RPTOR: variants seen among roughly 807,000 people sequenced by gnomAD.
RPTOR encodes regulatory associated protein of MTOR complex 1.
In RPTOR, 21 loss-of-function variants were observed where a neutral mutation model predicts 169.9. The observed-to-expected ratio is 0.12, with a 90% CI of 0.09 to 0.18. The LOEUF (loss-of-function observed/expected upper bound fraction) is 0.18. Ranked by LOEUF, RPTOR falls within the 10% of genes least tolerant of loss-of-function variation. RPTOR has a pLI of 1.00. For synonymous variants in RPTOR, 732 were observed against 753.2 expected, an observed-to-expected ratio of 0.97 and a Z score of 0.46; for missense variants, 1,133 against 1,855.9, an observed-to-expected ratio of 0.61 and a Z score of 7.16.
chr17:80,826,090 A>G (rs2067439744), intron 9 of RPTOR, among the ~76,000 whole-genome samples: 1 of 152,168 alleles, frequency 6.6e-6, no homozygotes, highest in African/African-American at 2.4e-5. Flanking sequence ...GTTGTCAGAC[A>G]TAGGCCACCC....
chr17:80,873,471 G>A (rs1367123317), intron 13 of RPTOR, among the ~76,000 whole-genome samples: 1 of 152,224 alleles, frequency 6.6e-6, no homozygotes, highest in Non-Finnish European at 1.5e-5. Context: ...TCCTCACAGA[G>A]CTGAAATCTA....
chr17:80,875,341 G>T (rs947428850), intron 13 of RPTOR, among the ~76,000 whole-genome samples: 1 of 152,114 alleles, frequency 6.6e-6, no homozygotes, highest in Admixed American at 6.5e-5. Flanking sequence ...ATACATGCTT[G>T]CATCTTCCCA....
At chr17:80,893,180 G>A (rs142546211) in intron 19 of RPTOR, among the ~76,000 whole-genome samples, 2,122 of 152,366 alleles carry the variant, frequency 0.014, 11 homozygotes, top group South Asian at 0.022. Flanking sequence ...TGTGGTCTGC[G>A]GGTGGGGAGC....
chr17:80,851,473 G>A (rs1346132504), intron 11 of RPTOR, among the ~76,000 whole-genome samples: 2 of 147,844 alleles, frequency 1.4e-5, no homozygotes, highest in South Asian at 2.2e-4. Flanking sequence ...TCAACAAAAG[G>A]TGGCAGGAAG....
intron 13 of RPTOR, among the ~76,000 whole-genome samples, chr17:80,865,051 G>A (rs138639646): frequency 7.0e-4 from 107 of 152,346 alleles, no homozygotes; most frequent in African/African-American, 2.4e-3. Flanking sequence ...AGATGGGGAG[G>A]AGAGAGAATG....
chr17:80,855,902 G>A (rs572562824), intron 12 of RPTOR, among the ~76,000 whole-genome samples: 17 of 152,308 alleles, frequency 1.1e-4, no homozygotes, highest in South Asian at 8.3e-4. Flanking sequence ...CACCCACCTC[G>A]TGGTGCTGCT....
At chr17:80,655,823 G>A (rs556834977) in intron 3 of RPTOR, among the ~76,000 whole-genome samples, 3 of 152,180 alleles carry the variant, frequency 2.0e-5, no homozygotes, top group African/African-American at 4.8e-5. Flanking sequence ...GGAGTCAGCC[G>A]TTCCTGCTTG....
At chr17:80,891,624 C>T (rs895560312) in intron 17 of RPTOR, 96 bp from the exon 18 acceptor site, 9 of 847,046 alleles carry the variant, frequency 1.1e-5, no homozygotes, top group Non-Finnish European at 1.6e-5. Context: ...TTTGTCTTAA[C>T]CTTTCTTTTT....
intron 14 of RPTOR, among the ~76,000 whole-genome samples, chr17:80,881,974 C>T (rs970223446): frequency 1.3e-5 from 2 of 152,126 alleles, no homozygotes; most frequent in East Asian, 1.9e-4. Context: ...TCCTCAGAAA[C>T]GATTGATTTT....
chr17:80,652,221 A>G (rs1438590494), intron 3 of RPTOR, among the ~76,000 whole-genome samples: 2 of 152,116 alleles, frequency 1.3e-5, no homozygotes, highest in African/African-American at 4.8e-5. Flanking sequence ...CATCTTTGCA[A>G]TCTTGTGCAA....
intron 9 of RPTOR, among the ~76,000 whole-genome samples, chr17:80,826,881 C>T (rs144687932): frequency 2.0e-4 from 30 of 152,392 alleles, no homozygotes; most frequent in African/African-American, 6.3e-4. Context: ...CACCTTCAAC[C>T]GGCAGAAGAA....
chr17:80,698,521 C>T (rs1292336993), intron 3 of RPTOR, among the ~76,000 whole-genome samples: 5 of 152,184 alleles, frequency 3.3e-5, no homozygotes, highest in South Asian at 2.1e-4. Flanking sequence ...GGAAACAAAG[C>T]GGGAAGTGGA....
In RPTOR at chr17:80,823,613, A is replaced by T; in HGVS notation, c.1136+390A>T. The T allele has an allele frequency of 5.7e-6, 1 of 176,000 alleles. No homozygotes were observed. Among genetic ancestry groups the T allele is most frequent in the South Asian group, 1.3e-4 (1 of 7,968 alleles). The allele number at this position is 176,000 out of a possible 1,614,324, so 10.9% of individuals were successfully genotyped here. On this transcript the variant is annotated intron_variant, in intron 9 of 33. Transcript: ENST00000306801. This position sits in a 1 kb window ranked among gnomAD's most constrained non-coding sequence, Gnocchi z 4.5. ...TCTGGAGAATTAAACTGTTGGGCTC[A>T]TGATCAATTAGTTTTTATGCTTATT...
intron 3 of RPTOR, among the ~76,000 whole-genome samples, chr17:80,665,316 TTTTTC>T (rs916650321): frequency 1.1e-4 from 14 of 128,082 alleles, no homozygotes; most frequent in South Asian, 6.7e-4. Context: ...TGAGAAAATT[TTTTTC>T]TTTTCTTTTC....
chr17:80,577,962 C>T (rs1049562288), intron 1 of RPTOR, among the ~76,000 whole-genome samples: 4 of 152,210 alleles, frequency 2.6e-5, no homozygotes, highest in African/African-American at 9.7e-5. Context: ...CTGTGATGTG[C>T]GGCGCAGTCA....
At chr17:80,554,388 G>C (rs2084380519) in intron 1 of RPTOR, among the ~76,000 whole-genome samples, 1 of 152,092 alleles carries the variant, frequency 6.6e-6, no homozygotes, top group Non-Finnish European at 1.5e-5. Flanking sequence ...TGTGAGGCCA[G>C]ATTTTTCTCA....
In RPTOR at chr17:80,947,255, C is replaced by A. The variant is rs867512225; in HGVS notation, c.3169C>A (p.Leu1057Met). 1 of 1,603,478 alleles carries A rather than the reference C, an allele frequency of 6.2e-7. No homozygotes were observed. The highest frequency in any genetic ancestry group is 8.5e-7 in the Non-Finnish European group (1 of 1,175,872). ...CFWDWEKGEK[L>M]DYFHNGNPRY... ...TTGGGACTGGGAGAAAGGGGAGAAGCTGGATTATTTCCACAATGGGAACCC... is the reference window on the plus strand; with the variant it reads ...TTGGGACTGGGAGAAAGGGGAGAAGATGGATTATTTCCACAATGGGAACCC... Residue 1057 changes from leucine to methionine, a missense_variant, in exon 27 of 34, where the codon CTG becomes ATG. Physicochemically the swap from Leu to Met is conservative, Grantham distance 15 (BLOSUM62 2). Coordinates refer to ENST00000306801, the MANE Select transcript of RPTOR (RefSeq NM_020761.3). The surrounding 1 kb of genome is among the most constrained non-coding windows in gnomAD (Gnocchi z 4.4).
At chr17:80,598,928 C>CTATCT (rs1555593637) in intron 1 of RPTOR, among the ~76,000 whole-genome samples, 6 of 150,284 alleles carry the variant, frequency 4.0e-5, no homozygotes, top group African/African-American at 1.5e-4. Context: ...ATCTATCTAT[C>CTATCT]TTTTTGAGAC....
intron 7 of RPTOR, among the ~76,000 whole-genome samples, chr17:80,795,800 C>T (rs2589138): frequency 0.22 from 32,828 of 152,008 alleles, 4,248 homozygotes; most frequent in East Asian, 0.43. Flanking sequence ...CGGCTCTCAT[C>T]GGGCAGCAGC....
Sources: gnomAD v4.1 joint callset for allele counts (sites outside exome capture counted in the v4.1 genomes callset) on GRCh38, gnomAD v4.1.1 for gene constraint, Gnocchi (gnomAD v3.1) non-coding constraint, MANE v1.5 for transcripts, NCBI Gene and HGNC (gene_info 2026-07-23, HGNC 2026-07-21) for gene names.